The following SYNE1 variants were observed in gnomAD, a reference collection of about 807,000 sequenced individuals.
SYNE1 encodes spectrin repeat containing nuclear envelope protein 1.
In SYNE1, 616 loss-of-function variants were observed where a neutral mutation model predicts 1,111.0. That is an observed-to-expected ratio of 0.55 (90% confidence interval 0.52 to 0.59). SYNE1 has a LOEUF of 0.59. SYNE1 is among the 20% of genes least tolerant of loss of function. The pLI is 0.00. For synonymous variants in SYNE1, 3,855 were observed against 3,825.8 expected, an observed-to-expected ratio of 1.01 and a Z score of -0.28; for missense variants, 10,006 against 10,417.0, an observed-to-expected ratio of 0.96 and a Z score of 1.72.
chr6:152,395,382 C>T, intron 51 of SYNE1, 134 bp downstream of exon 51: 2 of 871,944 alleles, frequency 2.3e-6, no homozygotes, highest in Non-Finnish European at 1.8e-6. Context: ...CCTCTGTATT[C>T]CAGACATTCA....
intron 64 of SYNE1, among the ~76,000 whole-genome samples, chr6:152,360,273 C>T (rs1319471137): frequency 6.6e-6 from 1 of 152,176 alleles, no homozygotes; most frequent in South Asian, 2.1e-4. Flanking sequence ...CCCCTCCCTG[C>T]CTACTCTCTG....
In SYNE1 at chr6:152,381,043, G is replaced by T; in HGVS notation, c.8972C>A (p.Thr2991Lys). ...CCAGCATTCCACTATCTCCTCATCCGTGTTCTTGCCTTCCAGGAGGGTTAA... is the reference window on the plus strand; with the variant it reads ...CCAGCATTCCACTATCTCCTCATCCTTGTTCTTGCCTTCCAGGAGGGTTAA... ...QQLTLLEGKN[T>K]DEEIVECWHK... Residue 2991 changes from threonine (T) to lysine (K), a missense_variant, in exon 56 of 146, where the codon ACG becomes AAG. By Grantham distance (78) the Thr-to-Lys change is moderately conservative. Around this residue, in one of 7 missense-constraint regions of SYNE1, gnomAD observed 4,955 missense variants for 5,017.2 expected, o/e 0.99. Coordinates refer to ENST00000367255, the MANE Select transcript of SYNE1 (RefSeq NM_182961.4). 6.2e-7 allele frequency: 1 copy of T among 1,614,094 alleles called. No homozygotes were observed. Among genetic ancestry groups the T allele is most frequent in the Admixed American group, 1.7e-5 (1 of 60,012 alleles).
At position 152,310,522 on chromosome 6, in the gene SYNE1, G is replaced by A; in HGVS notation, c.16897-4C>T. 6.2e-7 allele frequency: 1 copy of A among 1,613,914 alleles called. No individual in the cohort carries two copies. The highest frequency in any genetic ancestry group is 1.1e-5 in the South Asian group (1 of 91,052). ...CTGCTTCAAATTTTTTCATATCCTA[G>A]AGAGTCAATATCAATGTATTGTACT... is the stretch of plus-strand genomic sequence containing the variant. On this transcript the variant is annotated splice_polypyrimidine_tract_variant and splice_region_variant and intron_variant, in intron 88 of 145. Coordinates refer to ENST00000367255, the MANE Select transcript of SYNE1 (RefSeq NM_182961.4).
chr6:152,337,107 T>C (rs2096408862), intron 75 of SYNE1, 90 bp from the exon 76 acceptor site: 1 of 1,324,118 alleles, frequency 7.6e-7, no homozygotes, highest in Admixed American at 2.0e-5. Context: ...AGCTGGCCTG[T>C]GCACTCATTT....
chr6:152,502,362 G>A (rs138514513), intron 10 of SYNE1, among the ~76,000 whole-genome samples: 1 of 152,286 alleles, frequency 6.6e-6, no homozygotes, highest in East Asian at 1.9e-4. Flanking sequence ...CTAAGATGGA[G>A]TTCCCAACAC....
rs768674872 is a variant in SYNE1 at position 152,455,599 on chromosome 6, G to GA, written c.2728-10dup. ...GTTTTCTTTACCATACTCTTGATGT[G>GA]AAAAACAATCATAATGTGATGCTGC... On this transcript the variant is annotated splice_polypyrimidine_tract_variant and intron_variant, in intron 23 of 145. Transcript: ENST00000367255. 1.2e-6 allele frequency: 2 copies of GA among 1,613,860 alleles called. No homozygotes were observed. Among genetic ancestry groups the GA allele is most frequent in the African/African-American group, 2.7e-5 (2 of 74,906 alleles).
At chr6:152,404,659 T>A (rs866239199) in intron 45 of SYNE1, among the ~76,000 whole-genome samples, 1 of 152,170 alleles carries the variant, frequency 6.6e-6, no homozygotes, top group African/African-American at 2.4e-5. Flanking sequence ...ACTTTAATAT[T>A]ACTGGTTACT....
intron 12 of SYNE1, among the ~76,000 whole-genome samples, chr6:152,485,962 C>T (rs1457281702): frequency 1.3e-5 from 2 of 152,062 alleles, no homozygotes; most frequent in African/African-American, 2.4e-5. Flanking sequence ...TTTTGGAGAT[C>T]GAGGCGGGCG....
intron 22 of SYNE1, among the ~76,000 whole-genome samples, chr6:152,458,148 T>C (rs1395193935): frequency 1.3e-5 from 2 of 152,174 alleles, no homozygotes; most frequent in East Asian, 3.8e-4. Context: ...TTTAAAAGGA[T>C]AGACTATATG....
At chr6:152,405,000 C>T (rs2097874960) in intron 45 of SYNE1, 1 of 152,236 alleles carries the variant, frequency 6.6e-6, no homozygotes, top group Non-Finnish European at 1.5e-5. Flanking sequence ...CACTAGCAAA[C>T]CTCCTGATGC....
chr6:152,500,336 G>T (rs1303027767), intron 10 of SYNE1, among the ~76,000 whole-genome samples: 1 of 152,142 alleles, frequency 6.6e-6, no homozygotes, highest in Non-Finnish European at 1.5e-5. Flanking sequence ...CTTTGCTTTA[G>T]CCATTTGTGG....
chr6:152,235,931 T>TG lies in SYNE1; in HGVS notation c.20396+175dup, dbSNP rs576542446. The stretch of plus-strand genomic sequence containing the variant: ...CCTTTTGTAATTTTTTTGTAGAGAT[T>TG]GGGGTCTTACTATGTTGCCCAGGCT... On this transcript the variant is annotated intron_variant, in intron 110 of 145. Transcript: ENST00000367255. 4.6e-5 allele frequency among the ~76,000 whole-genome samples: 7 copies of TG among 152,058 alleles called. No homozygotes were observed. The East Asian group carries it at 1.4e-3, about 30-fold the overall frequency.
chr6:152,371,393 C>G (rs1000221002), intron 59 of SYNE1, among the ~76,000 whole-genome samples: 16 of 151,680 alleles, frequency 1.1e-4, no homozygotes, highest in African/African-American at 3.6e-4. Flanking sequence ...TCCCCTTCTG[C>G]CATGATTGTA....
intron 3 of SYNE1, among the ~76,000 whole-genome samples, chr6:152,566,515 T>C (rs561220855): frequency 5.4e-4 from 82 of 152,116 alleles, no homozygotes; most frequent in African/African-American, 1.9e-3. Context: ...TCAGAGGCAA[T>C]TTGAGTCCAA....
rs984917342 is a variant in SYNE1, at chr6:152,293,481, T to A, written c.18012+107A>T. ...TGGAAGAACTGATAAGGTTAAAAAA[T>A]TTTTAAAAAGTCACCTGGCTGTCTC... On this transcript the variant is annotated intron_variant, in intron 95 of 145. Transcript: ENST00000367255. 13 of 1,313,500 alleles carry A rather than the reference T, an allele frequency of 9.9e-6. No homozygotes were observed. The Admixed American group carries it at 1.2e-4, about 12-fold the overall frequency. 81.4% of individuals were successfully genotyped at this position (1,313,500 alleles called of 1,614,324 possible).
chr6:152,136,291 T>C (rs747146288), intron 141 of SYNE1, among the ~76,000 whole-genome samples: 13 of 152,156 alleles, frequency 8.5e-5, no homozygotes, highest in Admixed American at 1.3e-4. Context: ...TCAAGAAGGG[T>C]CTGCCTACTT....
Position 152,236,830 on chromosome 6 carries a change from A to G in SYNE1, c.20186T>C (p.Ile6729Thr). The change falls in exon 109 of 146, where the codon ATA becomes ACA. Residue 6729 changes from isoleucine (I) to threonine (T), a missense_variant. Transcript: ENST00000367255. ...EENEDRLIDR[I>T]TLYQHLKSSL... Reference sequence around the variant, plus strand: ...TGTAACACCAACCTGGTAGAGTGTTATGCGGTCAATAAGCCTGTCCTCGTT... The same window carrying G: ...TGTAACACCAACCTGGTAGAGTGTTGTGCGGTCAATAAGCCTGTCCTCGTT... 6.2e-7 allele frequency: 1 copy of G among 1,614,234 alleles called. No homozygotes were observed. Among genetic ancestry groups the G allele is most frequent in the Non-Finnish European group, 8.5e-7 (1 of 1,180,034 alleles).
rs1448569918 is a variant in SYNE1 at position 152,429,119 on chromosome 6, A to G, written c.4789-727T>C. 1.3e-5 allele frequency among the ~76,000 whole-genome samples: 2 copies of G among 150,204 alleles called. 1 individual carries two copies. The highest frequency in any genetic ancestry group is 1.3e-4 in the Admixed American group (2 of 15,030). The stretch of plus-strand genomic sequence containing the variant: ...AATAATAATAATAATAATAATAATA[A>G]TGACACAGTGCCTCAGAATGTGGCA... On this transcript the variant is annotated intron_variant, in intron 36 of 145. Coordinates refer to ENST00000367255, the MANE Select transcript of SYNE1 (RefSeq NM_182961.4).
intron 63 of SYNE1, 23 bp from the exon 64 acceptor site, chr6:152,362,346 A>G (rs1163231775): frequency 1.9e-6 from 3 of 1,614,056 alleles, no homozygotes; most frequent in Non-Finnish European, 2.5e-6. Context: ...TGAAAGGACA[A>G]TAAATCCACA....
Sources: gnomAD v4.1 joint callset for allele counts (sites outside exome capture counted in the v4.1 genomes callset) on GRCh38, gnomAD v4.1.1 for gene constraint, gnomAD v4.1.1 regional missense constraint, MANE v1.5 for transcripts, NCBI Gene and HGNC (gene_info 2026-07-23, HGNC 2026-07-21) for gene names.